The following RBMS3 variants were observed in gnomAD, a reference collection of about 807,000 sequenced individuals.
RBMS3 encodes RNA-binding motif, single-stranded-interacting protein 3.
RBMS3 carries 27 observed loss-of-function variants against 66.8 expected under a neutral mutation model. The observed-to-expected ratio is 0.40, with a 90% CI of 0.30 to 0.56. The LOEUF is 0.56. Ranked by LOEUF, RBMS3 falls within the 20% of genes least tolerant of loss-of-function variation. RBMS3 has a pLI of 0.40. For missense variants in RBMS3, 513 were observed against 549.5 expected (o/e 0.93, Z 0.66); for synonymous variants, 188 against 183.0 (o/e 1.03, Z -0.22).
intron 4 of RBMS3, among the ~76,000 whole-genome samples, chr3:29,712,234 A>G (rs1197191251): frequency 1.3e-5 from 2 of 152,080 alleles, no homozygotes; most frequent in Non-Finnish European, 2.9e-5. Context: ...TAGCTAGTAA[A>G]ATATTATTTC....
At chr3:29,530,757 A>T (rs1358696935) in intron 3 of RBMS3, among the ~76,000 whole-genome samples, 1 of 151,500 alleles carries the variant, frequency 6.6e-6, no homozygotes, top group African/African-American at 2.4e-5. Flanking sequence ...CTGTAATCCC[A>T]GCTACTCGGA....
chr3:29,319,872 G>C (rs942699123), intron 1 of RBMS3, among the ~76,000 whole-genome samples: 1 of 151,948 alleles, frequency 6.6e-6, no homozygotes, highest in African/African-American at 2.4e-5. Flanking sequence ...AAGGACATAG[G>C]AAGCACCCTT....
chr3:29,793,346 AT>A (rs945723678), intron 6 of RBMS3, among the ~76,000 whole-genome samples: 5 of 151,560 alleles, frequency 3.3e-5, no homozygotes, highest in Admixed American at 6.6e-5. Flanking sequence ...GACCGTCATA[AT>A]TTTTTTTTCC....
intron 1 of RBMS3, among the ~76,000 whole-genome samples, chr3:29,363,481 A>G (rs1050191861): frequency 6.6e-6 from 1 of 152,196 alleles, no homozygotes; most frequent in Non-Finnish European, 1.5e-5. Flanking sequence ...CACAAAGTCA[A>G]TTGACACTCA....
chr3:29,703,385 A>G (rs2052721119), intron 4 of RBMS3, among the ~76,000 whole-genome samples: 1 of 152,212 alleles, frequency 6.6e-6, no homozygotes, highest in Admixed American at 6.5e-5. Flanking sequence ...TTGTAAGAAA[A>G]CATTGTCTAT....
chr3:29,366,047 GAAGT>G (rs1194463401), intron 1 of RBMS3, among the ~76,000 whole-genome samples: 3 of 152,164 alleles, frequency 2.0e-5, no homozygotes, highest in Non-Finnish European at 4.4e-5. Context: ...GAGAGGATGT[GAAGT>G]AAGAGTTGAA....
chr3:29,717,214 G>T (rs1002880317), intron 4 of RBMS3, among the ~76,000 whole-genome samples: 1 of 151,938 alleles, frequency 6.6e-6, no homozygotes, highest in South Asian at 2.1e-4. Flanking sequence ...GTAATGCAAC[G>T]CACAGTGCTC....
chr3:29,602,476 T>C (rs1212078426), intron 4 of RBMS3, among the ~76,000 whole-genome samples: 8 of 152,044 alleles, frequency 5.3e-5, no homozygotes, highest in African/African-American at 1.9e-4. Flanking sequence ...TAGGGACTGT[T>C]AGCACAGTGG....
chr3:29,786,503 A>C (rs2056824756), intron 6 of RBMS3, among the ~76,000 whole-genome samples: 1 of 152,198 alleles, frequency 6.6e-6, no homozygotes, highest in African/African-American at 2.4e-5. Context: ...AGGCGCATAG[A>C]CCAATGGAAC....
intron 6 of RBMS3, among the ~76,000 whole-genome samples, chr3:29,835,563 A>C (rs4680859): frequency 0.23 from 35,159 of 151,850 alleles, 4,715 homozygotes; most frequent in Non-Finnish European, 0.31. Context: ...AGATAATTAA[A>C]AAAATATTGA....
intron 12 of RBMS3, among the ~76,000 whole-genome samples, chr3:29,967,357 A>G (rs114585466): frequency 6.6e-6 from 1 of 152,082 alleles, no homozygotes. Context: ...TTTTTGAGAC[A>G]GTCTCTGGCC....
Position 30,009,163 on chromosome 3 carries a change from T to C in RBMS3, c.*5301T>C, listed in dbSNP as rs1039172948. 1 of 152,108 alleles carries C rather than the reference T, an allele frequency of 6.6e-6. No homozygotes were observed. The highest frequency in any genetic ancestry group is 1.5e-5 in the Non-Finnish European group (1 of 67,976). The allele number at this position is 152,108 out of a possible 1,614,324, so 9.4% of individuals were successfully genotyped here. ...CACTGAGTCATACTTGAGCTTTTCTTACTACTGCCCCAATTTCTAAATTGT... is the reference window on the plus strand; with the variant it reads ...CACTGAGTCATACTTGAGCTTTTCTCACTACTGCCCCAATTTCTAAATTGT... On this transcript the variant is annotated 3_prime_UTR_variant, in exon 15 of 15. Transcript: ENST00000383767.
intron 7 of RBMS3, among the ~76,000 whole-genome samples, chr3:29,873,314 A>G (rs941012480): frequency 3.4e-4 from 52 of 152,014 alleles, no homozygotes; most frequent in African/African-American, 1.3e-3. Context: ...CTCCCTAGTT[A>G]GCTGTATTTC....
chr3:29,893,940 T>A (rs2060062608), intron 8 of RBMS3, among the ~76,000 whole-genome samples: 1 of 151,528 alleles, frequency 6.6e-6, no homozygotes, highest in African/African-American at 2.4e-5. Flanking sequence ...CATAGAGTTA[T>A]CAAGTATCTA....
At chr3:29,453,825 C>A (rs1305611763) in intron 2 of RBMS3, among the ~76,000 whole-genome samples, 1 of 152,160 alleles carries the variant, frequency 6.6e-6, no homozygotes, top group African/African-American at 2.4e-5. Flanking sequence ...AAGTGACAGC[C>A]TGCTGGCATC....
chr3:29,318,720 A>G (rs1255295074), intron 1 of RBMS3, among the ~76,000 whole-genome samples: 3 of 151,918 alleles, frequency 2.0e-5, no homozygotes, highest in East Asian at 3.9e-4. Context: ...TCTTGTGCCA[A>G]CTGTGGGCCA....
At chr3:29,318,214 A>G (rs1465130114) in intron 1 of RBMS3, among the ~76,000 whole-genome samples, 1 of 151,872 alleles carries the variant, frequency 6.6e-6, no homozygotes, top group African/African-American at 2.4e-5. Flanking sequence ...AAAAGCTTGT[A>G]TTTTATGCAT....
intron 4 of RBMS3, among the ~76,000 whole-genome samples, chr3:29,620,914 G>A (rs1559514677): frequency 6.6e-6 from 1 of 151,970 alleles, no homozygotes; most frequent in Non-Finnish European, 1.5e-5. Context: ...CTTTATTATT[G>A]TTTTTAATTG....
At chr3:29,456,467 A>T (rs1053855732) in intron 2 of RBMS3, among the ~76,000 whole-genome samples, 2 of 152,212 alleles carry the variant, frequency 1.3e-5, no homozygotes, top group African/African-American at 4.8e-5. Context: ...ATGGATACGC[A>T]TCTTAGTGAT....
Sources: allele counts gnomAD v4.1 joint callset (sites outside exome capture counted in the v4.1 genomes callset), GRCh38; gene constraint gnomAD v4.1.1; transcripts MANE v1.5; gene names NCBI Gene and HGNC (gene_info 2026-07-23, HGNC 2026-07-21).